Variants in ZNF385A observed in about 807,000 individuals in gnomAD.
The protein encoded by ZNF385A is hematopoietic zinc finger protein.
ZNF385A carries 14 observed loss-of-function variants against 32.1 expected under a neutral mutation model. The observed-to-expected ratio is 0.44, with a 90% CI of 0.29 to 0.68. The LOEUF (loss-of-function observed/expected upper bound fraction) is 0.68, where lower values mean the gene tolerates loss of function less well. ZNF385A is among the 30% of genes least tolerant of loss of function. The probability of loss-of-function intolerance (pLI) is 0.14; values close to 1 mark genes in which losing one functional copy is unlikely to be tolerated. For synonymous variants in ZNF385A, 197 were observed against 202.7 expected, an observed-to-expected ratio of 0.97 and a Z score of 0.24; for missense variants, 406 against 478.4, an observed-to-expected ratio of 0.85 and a Z score of 1.41.
chr12:54,371,382 C>T, intron 4 of ZNF385A, 91 bp downstream of exon 4: 2 of 1,519,128 alleles, frequency 1.3e-6, no homozygotes, highest in Non-Finnish European at 1.8e-6. Context: ...CTTAGATGGT[C>T]TAGGGATGTT....
In ZNF385A at chr12:54,371,604, C is replaced by G. The variant is rs540356075; in HGVS notation, c.473G>C (p.Gly158Ala). 1.9e-6 allele frequency: 3 copies of G among 1,613,272 alleles called. No individual in the cohort carries two copies. The highest frequency in any genetic ancestry group is 2.2e-5 in the East Asian group (1 of 44,872). Residue 158 changes from glycine (G) to alanine (A), a missense_variant, in exon 4 of 7, where the codon GGG becomes GCG. By Grantham distance (60) the Gly-to-Ala change is moderately conservative (BLOSUM62 0). Coordinates refer to ENST00000394313, the MANE Select transcript of ZNF385A (RefSeq NM_015481.3). ...ETGQGVTKGE[G>A]GTPAPASLPG... ...CAAGGAAGCCGGGGCTGGAGTCCCC[C>G]CTTCACCCTTGGTTACACCCTGACC...
At position 54,371,453 on chromosome 12, in the gene ZNF385A, G is replaced by T; in HGVS notation, c.604+20C>A. On this transcript the variant is annotated intron_variant, in intron 4 of 6. Coordinates refer to ENST00000394313, the MANE Select transcript of ZNF385A (RefSeq NM_015481.3). ...GGCCTGAGGACAGGAGAGTCTGGGTGGGGGCAGGGGAGTCCATACCTTTGT... is the reference window on the plus strand; with the variant it reads ...GGCCTGAGGACAGGAGAGTCTGGGTTGGGGCAGGGGAGTCCATACCTTTGT... 4 of 1,595,184 alleles carry T rather than the reference G, an allele frequency of 2.5e-6. No individual in the cohort carries two copies. The highest frequency in any genetic ancestry group is 3.4e-6 in the Non-Finnish European group (4 of 1,175,626).
chr12:54,385,068 C>G (rs1955402800), upstream of ZNF385A: 1 of 192,106 alleles, frequency 5.2e-6, no homozygotes, highest in African/African-American at 2.4e-5. Context: ...CTCAGATGCC[C>G]TAGAATTAGA....
At chr12:54,377,369 C>CA (rs1954902735) in intron 1 of ZNF385A, among the ~76,000 whole-genome samples, 1 of 152,008 alleles carries the variant, frequency 6.6e-6, no homozygotes, top group Non-Finnish European at 1.5e-5. Flanking sequence ...TAAGGGCTCA[C>CA]TTTTTTTTAC....
At position 54,370,665 on chromosome 12, in the gene ZNF385A, C is replaced by G. The variant is rs1427415740; in HGVS notation, c.831G>C (p.Leu277=). Residue 277 remains leucine (L), a synonymous_variant, in exon 6 of 7, where the codon CTG becomes CTC. Transcript: ENST00000394313. This position sits in a 1 kb window ranked among gnomAD's most constrained non-coding sequence, Gnocchi z 5.5. ...DGVAGKPNPL[L]SRHKKSRGAG... is the part of the protein sequence containing the mutation. ...CGCCCCTAGACTTCTTGTGACGGCT[C>G]AGTAGTGGGTTGGGCTTCCCGGCCA... The G allele has an allele frequency of 6.2e-7, 1 of 1,605,914 alleles. No individual in the cohort carries two copies. The highest frequency in any genetic ancestry group is 8.5e-7 in the Non-Finnish European group (1 of 1,177,164).
upstream of ZNF385A, chr12:54,385,583 C>T (rs569437307): frequency 5.9e-5 from 56 of 953,398 alleles, no homozygotes; most frequent in East Asian, 1.2e-4. Flanking sequence ...GAGGAGGCTG[C>T]GTGCTTGGCC....
At position 54,384,416 on chromosome 12, in the gene ZNF385A, G is replaced by C; in HGVS notation, c.87+12C>G. On this transcript the variant is annotated intron_variant, in intron 1 of 6. Transcript: ENST00000394313. ...ACAAGAGGATGGAGAAGGCAGGCAG[G>C]CTGCTACTTACGGTGCTGTAGTTGC... The C allele has an allele frequency of 6.4e-7, 1 of 1,573,994 alleles. No homozygotes were observed. Among genetic ancestry groups the C allele is most frequent in the Non-Finnish European group, 8.6e-7 (1 of 1,159,776 alleles).
intron 1 of ZNF385A, among the ~76,000 whole-genome samples, chr12:54,382,291 G>A (rs1459826290): frequency 6.6e-6 from 1 of 151,532 alleles, no homozygotes; most frequent in Non-Finnish European, 1.5e-5. Flanking sequence ...AGCCAGGATG[G>A]TCTCAATCTC....
intron 1 of ZNF385A, among the ~76,000 whole-genome samples, chr12:54,384,104 T>C (rs1384136821): frequency 1.3e-5 from 2 of 152,110 alleles, no homozygotes; most frequent in Non-Finnish European, 2.9e-5. Flanking sequence ...CCCTCCTACC[T>C]CCCTACTGTT....
At chr12:54,383,477 G>T (rs1386441561) in intron 1 of ZNF385A, among the ~76,000 whole-genome samples, 1 of 152,002 alleles carries the variant, frequency 6.6e-6, no homozygotes, top group African/African-American at 2.4e-5. Context: ...GGCTTCCCTC[G>T]GGCCTGCATT....
upstream of ZNF385A, among the ~76,000 whole-genome samples, chr12:54,386,100 T>G (rs1955467773): frequency 6.6e-6 from 1 of 151,596 alleles, no homozygotes; most frequent in South Asian, 2.1e-4. Flanking sequence ...GACCCTTAAG[T>G]AGCTGGGGGT....
upstream of ZNF385A, among the ~76,000 whole-genome samples, chr12:54,388,958 C>T (rs1199649504): frequency 2.6e-5 from 4 of 152,222 alleles, no homozygotes; most frequent in Non-Finnish European, 1.5e-5. Context: ...TGAACAACTA[C>T]TCAAAACACC....
At chr12:54,373,846 C>T (rs956207512) in intron 3 of ZNF385A, 127 bp downstream of exon 3, 12 of 1,066,384 alleles carry the variant, frequency 1.1e-5, no homozygotes, top group African/African-American at 3.2e-5. Context: ...CAGGACTCAC[C>T]TTGGGTGGGG....
intron 1 of ZNF385A, among the ~76,000 whole-genome samples, chr12:54,383,613 G>A (rs532265425): frequency 3.5e-4 from 54 of 152,204 alleles, no homozygotes; most frequent in African/African-American, 1.0e-3. Context: ...AGACAGTGGC[G>A]GCTGGGTGTG....
Position 54,370,707 on chromosome 12 carries a change from C to A in ZNF385A, c.789G>T (p.Arg263=). The A allele has an allele frequency of 6.3e-7, 1 of 1,592,268 alleles. No homozygotes were observed. The highest frequency in any genetic ancestry group is 8.5e-7 in the Non-Finnish European group (1 of 1,172,250). ...EVQLKQHISS[R]RHRDGVAGKP... is the part of the protein sequence containing the mutation. Reference sequence around the variant, plus strand: ...TCCCGGCCACGCCGTCTCGGTGCCGCCGGCTGGAGATGTGCTGCGGGGGCC... The same window carrying A: ...TCCCGGCCACGCCGTCTCGGTGCCGACGGCTGGAGATGTGCTGCGGGGGCC... Residue 263 remains arginine, a synonymous_variant, in exon 6 of 7, where the codon CGG becomes CGT. Transcript: ENST00000394313. The surrounding 1 kb of genome is among the most constrained non-coding windows in gnomAD (Gnocchi z 5.5).
At position 54,384,447 on chromosome 12, in the gene ZNF385A, A is replaced by C. The variant is rs759152682; in HGVS notation, c.68T>G (p.Leu23Arg). ...FPLEPAPTLG[L>R]FSNYSTMDPV... ...ACTTACGGTGCTGTAGTTGCTGAAGAGGCCAAGGGTAGGGGCTGGCTCGAG... is the reference window on the plus strand; with the variant it reads ...ACTTACGGTGCTGTAGTTGCTGAAGCGGCCAAGGGTAGGGGCTGGCTCGAG... The change falls in exon 1 of 7, where the codon CTC becomes CGC. Residue 23 changes from leucine to arginine, a missense_variant. Coordinates refer to ENST00000394313, the MANE Select transcript of ZNF385A (RefSeq NM_015481.3). 6.3e-7 allele frequency: 1 copy of C among 1,592,622 alleles called. No individual in the cohort carries two copies. Among genetic ancestry groups the C allele is most frequent in the South Asian group, 1.1e-5 (1 of 87,576 alleles).
Position 54,370,276 on chromosome 12 carries a change from TG to T in ZNF385A, c.1080del (p.Ile361SerfsTer85). 1 of 1,465,656 alleles carries T rather than the reference TG, an allele frequency of 6.8e-7. No homozygotes were observed. The highest frequency in any genetic ancestry group is 9.0e-7 in the Non-Finnish European group (1 of 1,107,036). 90.8% of individuals were successfully genotyped at this position (1,465,656 alleles called of 1,614,324 possible). Reference sequence around the variant, plus strand: ...TGAGGTCAGTACGGGGAGAAGAGGATGGGTCCGTGCGCAGTTCGGATGGGTC... The same window carrying T: ...TGAGGTCAGTACGGGGAGAAGAGGATGGTCCGTGCGCAGTTCGGATGGGTC... ...APGPIRTAHG[P>X]ILFSPY On this transcript the variant is annotated frameshift_variant, in exon 7 of 7. Coordinates refer to ENST00000394313, the MANE Select transcript of ZNF385A (RefSeq NM_015481.3). LOFTEE classifies it high-confidence loss of function. This position sits in a 1 kb window ranked among gnomAD's most constrained non-coding sequence, Gnocchi z 5.5.
chr12:54,374,192 C>T, intron 2 of ZNF385A, 57 bp from the exon 3 acceptor site: 2 of 1,357,080 alleles, frequency 1.5e-6, no homozygotes, highest in Non-Finnish European at 1.9e-6. Context: ...TGACCGATCT[C>T]CCCACAGAGC....
In ZNF385A at chr12:54,384,409, C is replaced by G; in HGVS notation, c.87+19G>C. The G allele has an allele frequency of 6.4e-7, 1 of 1,565,868 alleles. No individual in the cohort carries two copies. The highest frequency in any genetic ancestry group is 8.7e-7 in the Non-Finnish European group (1 of 1,155,350). ...TCGGGTCACAAGAGGATGGAGAAGG[C>G]AGGCAGGCTGCTACTTACGGTGCTG... On this transcript the variant is annotated intron_variant, in intron 1 of 6. Coordinates refer to ENST00000394313, the MANE Select transcript of ZNF385A (RefSeq NM_015481.3).
Sources: gnomAD v4.1 joint callset for allele counts (sites outside exome capture counted in the v4.1 genomes callset) on GRCh38, gnomAD v4.1.1 for gene constraint, Gnocchi (gnomAD v3.1) non-coding constraint, MANE v1.5 for transcripts, NCBI Gene and HGNC (gene_info 2026-07-23, HGNC 2026-07-21) for gene names.